The following CT55 variants were observed in gnomAD, a reference collection of about 807,000 sequenced individuals.
CT55 encodes the protein BRCA2-interacting protein.
CT55 carries 1 observed loss-of-function variant against 12.6 expected under a neutral mutation model. The observed-to-expected ratio is 0.08, with a 90% CI of 0.03 to 0.38. CT55 has a LOEUF of 0.38. Ranked by LOEUF, CT55 falls within the 10% of genes least tolerant of loss-of-function variation. The probability of loss-of-function intolerance (pLI) is 0.99; values close to 1 mark genes in which losing one functional copy is unlikely to be tolerated. For synonymous variants in CT55, 43 were observed against 49.7 expected (o/e 0.87, Z 0.57); for missense variants, 109 against 135.4 (o/e 0.80, Z 0.97).
intron 1 of CT55, 95 bp downstream of exon 1, chrX:135,170,982 AC>A: frequency 8.7e-7 from 1 of 1,154,206 alleles, no homozygotes; most frequent in African/African-American, 1.8e-5. Flanking sequence ...CACGTGCAGT[AC>A]CCACCCGAGT....
At chrX:135,158,134 C>T (rs782683705) in intron 4 of CT55, 65 bp downstream of exon 4, 17 of 657,864 alleles carry the variant, frequency 2.6e-5, no homozygotes, top group Non-Finnish European at 3.7e-5. Flanking sequence ...ATCCTGGTCA[C>T]GTAAATTATC....
chrX:135,166,986 A>G (rs1432203338), intron 2 of CT55, among the ~76,000 whole-genome samples: 1 of 112,504 alleles, frequency 8.9e-6, no homozygotes, highest in African/African-American at 3.2e-5. Context: ...TGTGTTCATG[A>G]ACAGGAAGAA....
chrX:135,158,952 A>G (rs1233481109), intron 3 of CT55, among the ~76,000 whole-genome samples: 6 of 112,387 alleles, frequency 5.3e-5, no homozygotes, highest in Admixed American at 2.8e-4. Context: ...GTTGTGTTCA[A>G]CTAATGAACT....
rs781930623 is a variant in CT55, at chrX:135,169,256, C to T, written c.279+338G>A. Among the ~76,000 whole-genome samples, 8 of 112,300 alleles carry T rather than the reference C, an allele frequency of 7.1e-5. No homozygotes were observed. The East Asian group carries it at 2.2e-3, about 31-fold the overall frequency. Reference sequence around the variant, plus strand: ...AATATTTACAATGCACATGGCTTGACATAGAAATTCCACTGTTTTGAATGC... The same window carrying T: ...AATATTTACAATGCACATGGCTTGATATAGAAATTCCACTGTTTTGAATGC... On this transcript the variant is annotated intron_variant, in intron 2 of 5. Coordinates refer to ENST00000276241, the MANE Select transcript of CT55 (RefSeq NM_001031705.3).
At chrX:135,167,825 T>TA (rs1428535352) in intron 2 of CT55, among the ~76,000 whole-genome samples, 2 of 111,110 alleles carry the variant, frequency 1.8e-5, no homozygotes, top group Non-Finnish European at 3.8e-5. Context: ...TACAAATGGC[T>TA]AACAGGCATG....
intron 3 of CT55, among the ~76,000 whole-genome samples, chrX:135,158,581 A>T (rs1251642976): frequency 3.6e-5 from 4 of 112,314 alleles, no homozygotes; most frequent in African/African-American, 1.3e-4. Flanking sequence ...GCAGCACAGG[A>T]TTTACTAAAC....
intron 2 of CT55, among the ~76,000 whole-genome samples, chrX:135,168,405 G>A (rs782438209): frequency 1.3e-4 from 15 of 112,217 alleles, no homozygotes; most frequent in South Asian, 7.4e-4. Flanking sequence ...TCTCATAGCA[G>A]TGTAGAGTAG....
At chrX:135,162,843 G>GCT (rs1314898970) in intron 2 of CT55, among the ~76,000 whole-genome samples, 1 of 111,548 alleles carries the variant, frequency 9.0e-6, no homozygotes, top group Non-Finnish European at 1.9e-5. Flanking sequence ...TCTCCCTAGT[G>GCT]ATTCCAGTGG....
At chrX:135,162,657 G>C (rs782382287) in intron 2 of CT55, among the ~76,000 whole-genome samples, 1 of 111,575 alleles carries the variant, frequency 9.0e-6, no homozygotes, top group African/African-American at 3.3e-5. Flanking sequence ...CCAGAGGAGA[G>C]AGACAGTAGC....
chrX:135,171,034 G>C, intron 1 of CT55, 44 bp downstream of exon 1: 1 of 1,201,050 alleles, frequency 8.3e-7, no homozygotes, highest in Non-Finnish European at 1.1e-6. Context: ...ACCCCTATTG[G>C]GAGGCTTCTG....
rs184370013 is a variant in CT55, at chrX:135,164,491, G to A, written c.280-3936C>T. 2.0e-4 allele frequency among the ~76,000 whole-genome samples: 22 copies of A among 111,330 alleles called. No homozygotes were observed. In the East Asian group the frequency reaches 5.9e-3, roughly 30 times the overall value. On this transcript the variant is annotated intron_variant, in intron 2 of 5. Transcript: ENST00000276241. Reference sequence around the variant, plus strand: ...AGAGAAAAATCTCTTATCCATCAATGAAAACAGTAAAAGAGAAAGAAAGGA... The same window carrying A: ...AGAGAAAAATCTCTTATCCATCAATAAAAACAGTAAAAGAGAAAGAAAGGA...
At chrX:135,171,769 C>T (rs2083613112), upstream of CT55, among the ~76,000 whole-genome samples, 1 of 111,596 alleles carries the variant, frequency 9.0e-6, no homozygotes, top group Non-Finnish European at 1.9e-5. Flanking sequence ...GAGAGGGCAT[C>T]ATGTGGGTAG....
intron 2 of CT55, among the ~76,000 whole-genome samples, chrX:135,166,959 T>A (rs782401765): frequency 8.9e-6 from 1 of 112,029 alleles, no homozygotes; most frequent in East Asian, 2.8e-4. Flanking sequence ...GAGGCAGGAA[T>A]GAATGGAAAT....
chrX:135,165,129 A>G (rs1265196433), intron 2 of CT55, among the ~76,000 whole-genome samples: 1 of 112,278 alleles, frequency 8.9e-6, no homozygotes, highest in Non-Finnish European at 1.9e-5. Context: ...CAAAACACAT[A>G]TTCTTTCCAA....
chrX:135,160,361 C>T, intron 3 of CT55, 50 bp downstream of exon 3: 5 of 1,107,586 alleles, frequency 4.5e-6, no homozygotes, highest in Non-Finnish European at 5.9e-6. Context: ...GACTAAAATC[C>T]TCTCAAAAAA....
intron 2 of CT55, among the ~76,000 whole-genome samples, chrX:135,168,828 T>A (rs1556406363): frequency 1.8e-5 from 2 of 112,111 alleles, no homozygotes; most frequent in Non-Finnish European, 3.8e-5. Flanking sequence ...ATACACAAAC[T>A]TTCCTATTAC....
chrX:135,160,525 C>A lies in CT55; in HGVS notation c.310G>T (p.Ala104Ser), dbSNP rs782034926. Residue 104 changes from alanine (A) to serine (S), a missense_variant, in exon 3 of 6, where the codon GCT becomes TCT. By Grantham distance (99) the Ala-to-Ser change is moderately conservative. Coordinates refer to ENST00000276241, the MANE Select transcript of CT55 (RefSeq NM_001031705.3). ...VDVVPRHLYG[A>S]GPSDSGTRVL... is the part of the protein sequence containing the mutation. ...CTGGTTCCTGAGTCTGAGGGTCCAG[C>A]ACCATAAAGATGGCGAGGCACAACA... The A allele has an allele frequency of 3.4e-5, 41 of 1,192,722 alleles. No individual in the cohort carries two copies. In the Admixed American group the frequency reaches 9.6e-4, roughly 28 times the overall value.
At position 135,159,917 on chromosome X, in the gene CT55, T is replaced by TCAA. The variant is rs1396303831; in HGVS notation, c.424+491_424+493dup. On this transcript the variant is annotated intron_variant, in intron 3 of 5. Coordinates refer to ENST00000276241, the MANE Select transcript of CT55 (RefSeq NM_001031705.3). ...TATATCTGCCGATTACAAAGAGAAT[T>TCAA]CAACAACAACACACACACACACACA... Among the ~76,000 whole-genome samples, 5 of 108,111 alleles carry TCAA rather than the reference T, an allele frequency of 4.6e-5. No individual in the cohort carries two copies. In the East Asian group the frequency reaches 1.5e-3, roughly 33 times the overall value. The allele number at this position is 108,111 out of a possible 115,157, so 93.9% of individuals were successfully genotyped here.
Position 135,160,546 on chromosome X carries a change from C to A in CT55, c.289G>T (p.Val97Leu), listed in dbSNP as rs782114901. ...CCAGCACCATAAAGATGGCGAGGCA[C>A]AACATCCACCTGTAAGATTTAGGAA... ...YGLRAIKVDV[V>L]PRHLYGAGPS... The change falls in exon 3 of 6, where the codon GTG becomes TTG. Residue 97 changes from valine (V) to leucine (L), a missense_variant. By Grantham distance (32) the Val-to-Leu change is conservative. Coordinates refer to ENST00000276241, the MANE Select transcript of CT55 (RefSeq NM_001031705.3). 31 of 1,184,337 alleles carry A rather than the reference C, an allele frequency of 2.6e-5. No individual in the cohort carries two copies.
Sources: allele counts gnomAD v4.1 joint callset (sites outside exome capture counted in the v4.1 genomes callset), GRCh38; gene constraint gnomAD v4.1.1; transcripts MANE v1.5; gene names NCBI Gene and HGNC (gene_info 2026-07-23, HGNC 2026-07-21).